The following DYM variants were observed in gnomAD, a reference collection of about 807,000 sequenced individuals.
DYM encodes the protein dyggve-Melchior-Clausen syndrome protein.
In DYM, 78 loss-of-function variants were observed where a neutral mutation model predicts 93.1. The observed-to-expected ratio is 0.84, with a 90% CI of 0.70 to 1.01. DYM has a LOEUF of 1.01. Ranked by LOEUF, DYM falls within the 50% of genes least tolerant of loss-of-function variation. The pLI is 0.00. For synonymous variants in DYM, 321 were observed against 319.7 expected, an observed-to-expected ratio of 1.00 and a Z score of -0.04; for missense variants, 789 against 845.0, an observed-to-expected ratio of 0.93 and a Z score of 0.82.
intron 5 of DYM, among the ~76,000 whole-genome samples, chr18:49,370,635 A>T (rs2066946895): frequency 6.6e-6 from 1 of 151,980 alleles, no homozygotes; most frequent in African/African-American, 2.4e-5. Context: ...ACATGGTGGC[A>T]TGCGCCTGTG....
chr18:49,292,204 G>C (rs2060155560), intron 8 of DYM, among the ~76,000 whole-genome samples: 1 of 151,962 alleles, frequency 6.6e-6, no homozygotes. Flanking sequence ...CTTTCTTCAA[G>C]ATTTTCCAAG....
intron 16 of DYM, among the ~76,000 whole-genome samples, chr18:49,100,006 A>T (rs970083576): frequency 3.3e-5 from 5 of 152,196 alleles, no homozygotes; most frequent in African/African-American, 1.2e-4. Context: ...GTAACCAGGA[A>T]CACATATACT....
intron 6 of DYM, among the ~76,000 whole-genome samples, chr18:49,344,440 G>A (rs1364933436): frequency 3.9e-5 from 6 of 151,970 alleles, no homozygotes. Context: ...AAGAACAAGA[G>A]ATGTCACATG....
At chr18:49,135,972 T>C (rs1005215811) in intron 15 of DYM, among the ~76,000 whole-genome samples, 3 of 152,370 alleles carry the variant, frequency 2.0e-5, no homozygotes, top group South Asian at 4.1e-4. Context: ...TTTATGGTTG[T>C]CTAATGAATG....
intron 16 of DYM, among the ~76,000 whole-genome samples, chr18:49,110,271 A>G (rs2081271205): frequency 6.6e-6 from 1 of 152,218 alleles, no homozygotes; most frequent in Non-Finnish European, 1.5e-5. Context: ...GAATCAACAT[A>G]AGAAAAAGCT....
chr18:49,082,050 C>G (rs2078094045), intron 17 of DYM, among the ~76,000 whole-genome samples: 2 of 152,186 alleles, frequency 1.3e-5, no homozygotes, highest in African/African-American at 4.8e-5. Flanking sequence ...TGTAGACAGG[C>G]AGTTTGGGAA....
intron 13 of DYM, among the ~76,000 whole-genome samples, chr18:49,234,419 C>T (rs1407689580): frequency 6.6e-6 from 1 of 150,732 alleles, no homozygotes; most frequent in Non-Finnish European, 1.5e-5. Flanking sequence ...ATTGTGCCAC[C>T]ACACTCCAGC....
chr18:49,186,328 CT>C (rs1305051249), intron 14 of DYM, among the ~76,000 whole-genome samples: 1 of 152,120 alleles, frequency 6.6e-6, no homozygotes, highest in Non-Finnish European at 1.5e-5. Context: ...TAAAGCACAA[CT>C]TTTTTTCTTG....
At chr18:49,174,197 G>T (rs892317081) in intron 14 of DYM, among the ~76,000 whole-genome samples, 1 of 149,206 alleles carries the variant, frequency 6.7e-6, no homozygotes, top group African/African-American at 2.5e-5. Flanking sequence ...CAATTCCTAG[G>T]ATGGGTCCCA....
At chr18:49,129,233 T>A (rs1201267679) in intron 15 of DYM, among the ~76,000 whole-genome samples, 1 of 152,164 alleles carries the variant, frequency 6.6e-6, no homozygotes, top group Non-Finnish European at 1.5e-5. Flanking sequence ...ACAGGCCTCA[T>A]TTCCTTCAAA....
At position 49,118,800 on chromosome 18, in the gene DYM, A is replaced by G; in HGVS notation, c.1855T>C (p.Phe619Leu). ...GAAGGATGAGTTCGAAATTGTTCAA[A>G]GAGATCGCGTTTGTAAAGCAGGGCG... ...VYALLYKRDL[F>L]EQFRTHPSFQ... Residue 619 changes from phenylalanine to leucine, a missense_variant, in exon 16 of 18, where the codon TTT becomes CTT. Physicochemically the swap from Phe to Leu is conservative, Grantham distance 22. This residue lies in a region of DYM where 225 missense variants were observed against 303.0 expected (regional missense o/e 0.74). Transcript: ENST00000675505. 6.2e-7 allele frequency: 1 copy of G among 1,614,120 alleles called. No homozygotes were observed. Among genetic ancestry groups the G allele is most frequent in the Middle Eastern group, 1.7e-4 (1 of 6,058 alleles).
intron 4 of DYM, among the ~76,000 whole-genome samples, chr18:49,379,314 T>C (rs1456639474): frequency 6.6e-6 from 1 of 152,012 alleles, no homozygotes; most frequent in East Asian, 1.9e-4. Context: ...CTGCAACAGA[T>C]GTAGAATGAA....
chr18:49,323,912 C>T (rs1468773912), intron 8 of DYM, among the ~76,000 whole-genome samples: 1 of 152,084 alleles, frequency 6.6e-6, no homozygotes, highest in African/African-American at 2.4e-5. Flanking sequence ...CCAAGGCGGG[C>T]AGATCACTTG....
At chr18:49,157,751 A>G (rs2086627021) in intron 15 of DYM, among the ~76,000 whole-genome samples, 1 of 152,146 alleles carries the variant, frequency 6.6e-6, no homozygotes, top group Non-Finnish European at 1.5e-5. Context: ...TTGAAACACA[A>G]AGTTTTAAAT....
intron 5 of DYM, among the ~76,000 whole-genome samples, chr18:49,363,917 A>G (rs943616937): frequency 1.1e-4 from 17 of 152,088 alleles, no homozygotes; most frequent in African/African-American, 4.1e-4. Context: ...TCAGTATCTC[A>G]TGTGACTTCT....
chr18:49,295,734 A>G (rs2060493261), intron 8 of DYM, among the ~76,000 whole-genome samples: 1 of 152,188 alleles, frequency 6.6e-6, no homozygotes, highest in East Asian at 1.9e-4. Context: ...ATGTATTATA[A>G]AATTCCAGAA....
chr18:49,123,545 G>T (rs1410835711), intron 15 of DYM, among the ~76,000 whole-genome samples: 3 of 152,162 alleles, frequency 2.0e-5, no homozygotes, highest in African/African-American at 4.8e-5. Context: ...TGGCACTAGT[G>T]TCTGGCCTAC....
At chr18:49,400,795 T>C (rs74749628) in intron 2 of DYM, among the ~76,000 whole-genome samples, 13,951 of 152,028 alleles carry the variant, frequency 0.092, 861 homozygotes, top group East Asian at 0.31. Context: ...TCTGCTTTCC[T>C]ATTTGCTTGA....
chr18:49,236,999 G>A (rs1485610221), intron 13 of DYM, among the ~76,000 whole-genome samples: 1 of 152,156 alleles, frequency 6.6e-6, no homozygotes, highest in East Asian at 1.9e-4. Context: ...CCCTCTTGAA[G>A]AGAGAAACTC....
Sources: allele counts gnomAD v4.1 joint callset (sites outside exome capture counted in the v4.1 genomes callset), GRCh38; gene constraint gnomAD v4.1.1; regional missense constraint gnomAD v4.1.1; transcripts MANE v1.5; gene names NCBI Gene and HGNC (gene_info 2026-07-23, HGNC 2026-07-21).